The following FILIP1 variants were observed in gnomAD, a reference collection of about 807,000 sequenced individuals.
FILIP1 encodes the protein filamin A interacting protein 1.
In FILIP1, 61 loss-of-function variants were observed where a neutral mutation model predicts 102.1. That is an observed-to-expected ratio of 0.60 (90% CI 0.49 to 0.74). The LOEUF (loss-of-function observed/expected upper bound fraction) is 0.74, where lower values mean the gene tolerates loss of function less well. Ranked by LOEUF, FILIP1 falls within the 30% of genes least tolerant of loss-of-function variation. The pLI, the probability that FILIP1 is intolerant of heterozygous loss-of-function variation, is 0.00. For missense variants in FILIP1, 1,314 were observed against 1,441.2 expected, an observed-to-expected ratio of 0.91 and a Z score of 1.43; for synonymous variants, 491 against 526.9, an observed-to-expected ratio of 0.93 and a Z score of 0.93.
intron 4 of FILIP1, among the ~76,000 whole-genome samples, chr6:75,325,550 CAAAT>C (rs1319854372): frequency 6.6e-6 from 1 of 152,022 alleles, no homozygotes; most frequent in African/African-American, 2.4e-5. Flanking sequence ...CAAGAAAAAA[CAAAT>C]AATCCCATCA....
chr6:75,481,377 C>A (rs12206803), intron 1 of FILIP1, among the ~76,000 whole-genome samples: 1 of 152,186 alleles, frequency 6.6e-6, no homozygotes, highest in Non-Finnish European at 1.5e-5. Context: ...TAGCCCACCA[C>A]TAGGATTTAG....
rs1326429042 is a variant in FILIP1, at chr6:75,313,952, T to C, written c.1880A>G (p.Asn627Ser). Residue 627 changes from asparagine to serine, a missense_variant, in exon 5 of 6, where the codon AAT (asparagine) becomes AGT (serine). By Grantham distance (46) the Asn-to-Ser change is conservative. This residue lies in a region of FILIP1 where 816 missense variants were observed against 913.1 expected (regional missense o/e 0.89). Transcript: ENST00000237172. The surrounding 1 kb of genome is among the most constrained non-coding windows in gnomAD (Gnocchi z 4.2). The stretch of plus-strand genomic sequence containing the variant: ...TTCAAGTGTTAGTTCCTTAATCTTA[T>C]TATCTTCCGGGCAGGTGAGCTCAGA... ...KGSELTCPEDNKIKELTLEIE... is the reference protein window; with the variant it reads ...KGSELTCPEDSKIKELTLEIE... 2.5e-6 allele frequency: 4 copies of C among 1,609,590 alleles called. No homozygotes were observed. The Admixed American group carries it at 5.1e-5, about 20-fold the overall frequency.
At chr6:75,483,316 T>C (rs1190420175) in intron 1 of FILIP1, among the ~76,000 whole-genome samples, 2 of 152,198 alleles carry the variant, frequency 1.3e-5, no homozygotes, top group Admixed American at 6.5e-5. Flanking sequence ...AAGTGATTAA[T>C]CCTTTCCTGT....
In FILIP1 at chr6:75,295,940, G is replaced by A. The variant is rs762715584; in HGVS notation, c.3504C>T (p.Ile1168=). ...TGGAGTTCATTCGTAACTGGTGAAT[G>A]ATGATGCTTTCTATAAAGAGAAAAA... The change falls in exon 7 of 7, where the codon ATC becomes ATT. Residue 1168 remains isoleucine (I), a synonymous_variant. Transcript: ENST00000393004. 75 of 1,464,940 alleles carry A rather than the reference G, an allele frequency of 5.1e-5. No individual in the cohort carries two copies. In the Middle Eastern group the frequency reaches 5.2e-4, roughly 10 times the overall value. 90.7% of individuals were successfully genotyped at this position (1,464,940 alleles called of 1,614,324 possible).
At chr6:75,317,327 G>A (rs1773477629) in intron 4 of FILIP1, among the ~76,000 whole-genome samples, 1 of 152,124 alleles carries the variant, frequency 6.6e-6, no homozygotes, top group South Asian at 2.1e-4. Context: ...CACAAGCTTA[G>A]CGTTCCAATA....
At chr6:75,457,050 A>AT in intron 1 of FILIP1, among the ~76,000 whole-genome samples, 1 of 152,304 alleles carries the variant, frequency 6.6e-6, no homozygotes, top group South Asian at 2.1e-4. Context: ...AATATTTTTT[A>AT]TATCCTTTAC....
At chr6:75,426,036 A>G (rs2149701689) in intron 1 of FILIP1, among the ~76,000 whole-genome samples, 1 of 152,304 alleles carries the variant, frequency 6.6e-6, no homozygotes, top group South Asian at 2.1e-4. Context: ...CATCTACTCA[A>G]CTGTACTATT....
chr6:75,381,938 G>T (rs567351750), intron 2 of FILIP1, among the ~76,000 whole-genome samples: 3 of 152,238 alleles, frequency 2.0e-5, no homozygotes, highest in Admixed American at 6.5e-5. Context: ...CAAAATATTT[G>T]TTCTTTCCAT....
At chr6:75,304,744 T>C (rs903435419), downstream of FILIP1, among the ~76,000 whole-genome samples, 1 of 152,108 alleles carries the variant, frequency 6.6e-6, no homozygotes, top group South Asian at 2.1e-4. Flanking sequence ...GTTAGAAATA[T>C]GGAGATAAAT....
chr6:75,295,117 C>A (rs944145599), exon 7 of FILIP1: 1 of 152,016 alleles, frequency 6.6e-6, no homozygotes, highest in African/African-American at 2.4e-5. Context: ...AAGTCTTATA[C>A]ATACAAGTAA....
chr6:75,459,850 C>T (rs1490369603), intron 1 of FILIP1, among the ~76,000 whole-genome samples: 2 of 152,184 alleles, frequency 1.3e-5, no homozygotes, highest in Non-Finnish European at 2.9e-5. Flanking sequence ...ATCTTGAAGT[C>T]ATTTCTCTGT....
At chr6:75,348,432 T>A (rs1774671774) in intron 4 of FILIP1, among the ~76,000 whole-genome samples, 1 of 152,240 alleles carries the variant, frequency 6.6e-6, no homozygotes, top group South Asian at 2.1e-4. Flanking sequence ...AATGGTGTTT[T>A]CTCTTTTTAA....
chr6:75,407,184 AG>A (rs955847153), intron 2 of FILIP1, among the ~76,000 whole-genome samples: 1 of 152,124 alleles, frequency 6.6e-6, no homozygotes, highest in Non-Finnish European at 1.5e-5. Flanking sequence ...ACAGAATAGA[AG>A]AAGTTTCTAA....
chr6:75,446,539 T>C (rs1475767241), intron 1 of FILIP1, among the ~76,000 whole-genome samples: 1 of 152,114 alleles, frequency 6.6e-6, no homozygotes, highest in Admixed American at 6.5e-5. Context: ...ACCTCAGTGG[T>C]TTCAAATCCA....
intron 2 of FILIP1, among the ~76,000 whole-genome samples, chr6:75,370,679 C>T (rs369945281): frequency 1.5e-4 from 23 of 149,038 alleles, no homozygotes; most frequent in Non-Finnish European, 3.1e-4. Flanking sequence ...CAGGTTCAAG[C>T]GATTCTCCTG....
At chr6:75,377,411 A>G (rs1336798311) in intron 2 of FILIP1, among the ~76,000 whole-genome samples, 1 of 152,200 alleles carries the variant, frequency 6.6e-6, no homozygotes, top group African/African-American at 2.4e-5. Flanking sequence ...GACACATTCA[A>G]AAATTTTTTG....
intron 1 of FILIP1, among the ~76,000 whole-genome samples, chr6:75,418,362 T>G (rs561507365): frequency 1.1e-3 from 161 of 152,328 alleles, no homozygotes; most frequent in African/African-American, 3.3e-3. Context: ...TAATTAACCT[T>G]CTGCAGAACT....
At chr6:75,434,799 A>G (rs1777956051) in intron 1 of FILIP1, among the ~76,000 whole-genome samples, 2 of 152,230 alleles carry the variant, frequency 1.3e-5, no homozygotes. Flanking sequence ...GCTTTTGCCC[A>G]TGCAGTATGA....
chr6:75,375,432 CAGCAGGCTGGAGA>C (rs1775721025), intron 2 of FILIP1, among the ~76,000 whole-genome samples: 2 of 152,174 alleles, frequency 1.3e-5, no homozygotes, highest in Admixed American at 1.3e-4. Flanking sequence ...ATCAGACCCA[CAGCAGGCTGGAGA>C]AGGAAAAAAG....
Sources: allele counts gnomAD v4.1 joint callset (sites outside exome capture counted in the v4.1 genomes callset), GRCh38; gene constraint gnomAD v4.1.1; regional missense constraint gnomAD v4.1.1; non-coding constraint Gnocchi (gnomAD v3.1); transcripts MANE v1.5; gene names NCBI Gene and HGNC (gene_info 2026-07-23, HGNC 2026-07-21).